GLIPR1L1: variants seen among roughly 807,000 people sequenced by gnomAD.
The protein encoded by GLIPR1L1 is GLIPR1 like 1.
A neutral mutation model predicts 29.9 loss-of-function variants in GLIPR1L1; 26 were observed. The ratio of observed to expected loss-of-function variants is 0.87; its 90% CI spans 0.64 to 1.21. The LOEUF (loss-of-function observed/expected upper bound fraction) is 1.21. Among genes scored for constraint, GLIPR1L1 ranks in the 50% most tolerant of loss-of-function variants. GLIPR1L1 has a pLI of 0.00. For synonymous variants in GLIPR1L1, 77 were observed against 97.5 expected, an observed-to-expected ratio of 0.79 and a Z score of 1.24; for missense variants, 305 against 290.3, an observed-to-expected ratio of 1.05 and a Z score of -0.37.
chr12:75,341,505 G>A (rs187061125), intron 1 of GLIPR1L1, among the ~76,000 whole-genome samples: 2 of 152,024 alleles, frequency 1.3e-5, no homozygotes, highest in African/African-American at 4.8e-5. Flanking sequence ...GGAATGCAGT[G>A]GCGCTGTCTC....
intron 2 of GLIPR1L1, among the ~76,000 whole-genome samples, chr12:75,346,915 T>C (rs531708848): frequency 1.4e-4 from 22 of 152,270 alleles, no homozygotes; most frequent in Admixed American, 8.5e-4. Context: ...AGTAAACCAG[T>C]ATTTTTTTCC....
intron 4 of GLIPR1L1, among the ~76,000 whole-genome samples, chr12:75,364,510 C>A (rs1231052136): frequency 6.6e-6 from 1 of 152,186 alleles, no homozygotes; most frequent in African/African-American, 2.4e-5. Flanking sequence ...AAACTTATAG[C>A]CAATTTAAAT....
chr12:75,335,786 A>G (rs2041692732), intron 1 of GLIPR1L1, among the ~76,000 whole-genome samples: 1 of 152,076 alleles, frequency 6.6e-6, no homozygotes, highest in African/African-American at 2.4e-5. Flanking sequence ...TTGTTAAGAT[A>G]TTTTAATATA....
At chr12:75,348,718 A>G (rs551940787) in intron 3 of GLIPR1L1, among the ~76,000 whole-genome samples, 1 of 152,328 alleles carries the variant, frequency 6.6e-6, no homozygotes, top group East Asian at 1.9e-4. Context: ...TTGTGAAAGC[A>G]TACGAGAATA....
intron 1 of GLIPR1L1, among the ~76,000 whole-genome samples, chr12:75,336,428 CAG>C (rs551937281): frequency 5.9e-5 from 9 of 151,514 alleles, no homozygotes; most frequent in Non-Finnish European, 1.3e-4. Flanking sequence ...GCTTTTGTAA[CAG>C]AAACATATCA....
intron 4 of GLIPR1L1, among the ~76,000 whole-genome samples, chr12:75,363,678 A>T (rs567644197): frequency 6.6e-6 from 1 of 152,280 alleles, no homozygotes; most frequent in South Asian, 2.1e-4. Flanking sequence ...CAGAGGAAAA[A>T]AAAATGGAGC....
At chr12:75,368,389 A>G (rs892954683) in intron 4 of GLIPR1L1, among the ~76,000 whole-genome samples, 5 of 151,516 alleles carry the variant, frequency 3.3e-5, no homozygotes, top group African/African-American at 1.2e-4. Context: ...TCTTGAACTA[A>G]TGCTACTTCT....
chr12:75,367,268 GAAAAAAAAAAAAA>G (rs35250320), intron 4 of GLIPR1L1, among the ~76,000 whole-genome samples: 1 of 88,738 alleles, frequency 1.1e-5, no homozygotes. Flanking sequence ...TTCCTAGGAG[GAAAAAAAAAAAAA>G]AAAAAAAAAG....
chr12:75,351,555 T>G (rs528904394), intron 3 of GLIPR1L1, among the ~76,000 whole-genome samples: 235 of 151,868 alleles, frequency 1.5e-3, no homozygotes, highest in Middle Eastern at 3.4e-3. Context: ...GTTTTGTTTT[T>G]TTTTTTTTTG....
intron 4 of GLIPR1L1, among the ~76,000 whole-genome samples, chr12:75,367,309 G>A (rs978363035): frequency 6.9e-5 from 10 of 144,550 alleles, no homozygotes; most frequent in South Asian, 2.2e-4. Flanking sequence ...TGACTCTTTC[G>A]TAGTAACACT....
chr12:75,366,029 G>T (rs2043939987), intron 4 of GLIPR1L1, among the ~76,000 whole-genome samples: 1 of 152,074 alleles, frequency 6.6e-6, no homozygotes, highest in African/African-American at 2.4e-5. Context: ...AAAGAAAAAT[G>T]CTACAATTCT....
At position 75,343,826 on chromosome 12, in the gene GLIPR1L1, G is replaced by C. The variant is rs759658957; in HGVS notation, c.308G>C (p.Gly103Ala). 8.7e-6 allele frequency: 14 copies of C among 1,613,258 alleles called. No homozygotes were observed. The East Asian group carries it at 2.5e-4, about 28-fold the overall frequency. Residue 103 changes from glycine to alanine, a missense_variant, in exon 2 of 6, where the codon GGT becomes GCT. By Grantham distance (60) the Gly-to-Ala change is moderately conservative. Coordinates refer to ENST00000378695, the MANE Select transcript of GLIPR1L1 (RefSeq NM_001304964.2). ...TATGTTGGAGAAAATATCTGGTTAG[G>C]TGGAATAAAGTCATTCACACCAAGA... ...FEYVGENIWL[G>A]GIKSFTPRHA...
intron 2 of GLIPR1L1, 47 bp from the exon 3 acceptor site, chr12:75,347,575 A>C: frequency 8.3e-7 from 1 of 1,210,768 alleles, no homozygotes. Flanking sequence ...CATTGTTTGC[A>C]TAGAATTGTT....
chr12:75,334,858 T>G lies in GLIPR1L1; in HGVS notation c.130T>G (p.Trp44Gly). The G allele has an allele frequency of 6.2e-7, 1 of 1,614,140 alleles. No individual in the cohort carries two copies. Among genetic ancestry groups the G allele is most frequent in the Non-Finnish European group, 8.5e-7 (1 of 1,180,024 alleles). The change falls in exon 1 of 6, where the codon TGG becomes GGG. Residue 44 changes from tryptophan (W) to glycine (G), a missense_variant. Trp to Gly is a radical substitution (Grantham distance 184). Coordinates refer to ENST00000378695, the MANE Select transcript of GLIPR1L1 (RefSeq NM_001304964.2). Reference protein sequence around the residue: ...IDNCIEAHNEWRGKVNPPAAD... With the variant: ...IDNCIEAHNEGRGKVNPPAAD... ...CAACTGCATAGAAGCCCACAACGAA[T>G]GGCGTGGCAAAGTCAACCCTCCCGC...
At chr12:75,342,122 G>C (rs1026713580) in intron 1 of GLIPR1L1, among the ~76,000 whole-genome samples, 4 of 152,214 alleles carry the variant, frequency 2.6e-5, no homozygotes, top group African/African-American at 7.2e-5. Context: ...GTTAAAGATA[G>C]TGTGGGTAGT....
In GLIPR1L1 at chr12:75,352,878, C is replaced by T. The variant is rs866849968; in HGVS notation, c.521+5156C>T. On this transcript the variant is annotated intron_variant, in intron 3 of 5. Coordinates refer to ENST00000378695, the MANE Select transcript of GLIPR1L1 (RefSeq NM_001304964.2). ...ACACAACTACATGGAAATTGAGCAA[C>T]CTGCTCTTGAATGACTCCTGGGTAA... Among the ~76,000 whole-genome samples, 23 of 152,260 alleles carry T rather than the reference C, an allele frequency of 1.5e-4. 1 individual carries two copies. The South Asian group carries it at 1.9e-3, about 12-fold the overall frequency.
intron 3 of GLIPR1L1, among the ~76,000 whole-genome samples, chr12:75,358,686 GTTTC>G (rs1355636501): frequency 1.4e-5 from 2 of 145,042 alleles, no homozygotes; most frequent in East Asian, 2.0e-4. Flanking sequence ...ACATATTTGT[GTTTC>G]TTTTTGTTTT....
intron 3 of GLIPR1L1, among the ~76,000 whole-genome samples, chr12:75,351,576 C>T (rs907422439): frequency 1.7e-4 from 25 of 150,754 alleles, no homozygotes; most frequent in African/African-American, 6.1e-4. Context: ...AGATGGAGTC[C>T]CACTCTGTCA....
chr12:75,363,097 T>C lies in GLIPR1L1; in HGVS notation c.522-5T>C, dbSNP rs751520198. ...TTGGCTAATCAATGTTTCTCTTTTT[T>C]ACAGAGGAAATTTTGCAAATATGCC... On this transcript the variant is annotated splice_polypyrimidine_tract_variant and splice_region_variant and intron_variant, in intron 3 of 5. Transcript: ENST00000378695. The C allele has an allele frequency of 1.3e-6, 2 of 1,513,454 alleles. No individual in the cohort carries two copies. Among genetic ancestry groups the C allele is most frequent in the African/African-American group, 1.4e-5 (1 of 70,484 alleles). The allele number at this position is 1,513,454 out of a possible 1,614,324, so 93.8% of individuals were successfully genotyped here.
Sources: gnomAD v4.1 joint callset for allele counts (sites outside exome capture counted in the v4.1 genomes callset) on GRCh38, gnomAD v4.1.1 for gene constraint, MANE v1.5 for transcripts, NCBI Gene and HGNC (gene_info 2026-07-23, HGNC 2026-07-21) for gene names.